The following MMP26 variants were observed in gnomAD, a reference collection of about 807,000 sequenced individuals.
MMP26 encodes the protein matrix metalloproteinase-26.
MMP26 carries 33 observed loss-of-function variants against 31.0 expected under a neutral mutation model. The observed-to-expected ratio is 1.06, with a 90% CI of 0.81 to 1.42. The LOEUF (loss-of-function observed/expected upper bound fraction) is 1.42. MMP26 is among the 40% of genes most tolerant of loss of function. MMP26 has a pLI of 0.00. For synonymous variants in MMP26, 122 were observed against 114.9 expected, an observed-to-expected ratio of 1.06 and a Z score of -0.40; for missense variants, 347 against 316.1, an observed-to-expected ratio of 1.10 and a Z score of -0.74.
chr11:4,811,981 A>G lies in MMP26; in HGVS notation c.-145+44640A>G, dbSNP rs1052123013. Among the ~76,000 whole-genome samples, 7 of 152,130 alleles carry G rather than the reference A, an allele frequency of 4.6e-5. No homozygotes were observed. The South Asian group carries it at 1.0e-3, about 23-fold the overall frequency. ...GCACTGAGGACTCTAAATGTGGCTC[A>G]CAGCTGTTTGTCGAAGCCCAGTTTC... On this transcript the variant is annotated intron_variant, in intron 2 of 7. Coordinates refer to ENST00000380390, the MANE Select transcript of MMP26 (RefSeq NM_021801.5).
At chr11:4,926,908 A>T (rs2164015) in intron 2 of MMP26, among the ~76,000 whole-genome samples, 9,722 of 152,222 alleles carry the variant, frequency 0.064, 424 homozygotes, top group East Asian at 0.16. Context: ...GTGAATGGAT[A>T]AAAAGAGATG....
intron 2 of MMP26, among the ~76,000 whole-genome samples, chr11:4,817,869 A>G (rs567252162): frequency 2.0e-5 from 3 of 152,216 alleles, no homozygotes; most frequent in African/African-American, 7.2e-5. Flanking sequence ...ATCTACAAAT[A>G]CACTTGGCTG....
intron 2 of MMP26, among the ~76,000 whole-genome samples, chr11:4,785,710 A>G (rs1184390048): frequency 3.3e-5 from 5 of 152,232 alleles, no homozygotes; most frequent in African/African-American, 1.2e-4. Flanking sequence ...AGCTTTTAAC[A>G]AACAGCCTCA....
chr11:4,915,016 T>C (rs1453545894), intron 2 of MMP26: 1 of 1,613,812 alleles, frequency 6.2e-7, no homozygotes, highest in African/African-American at 1.3e-5. Flanking sequence ...GGATGAGCAG[T>C]GAGTCTATAC....
chr11:4,903,540 C>G (rs546951942), intron 2 of MMP26, among the ~76,000 whole-genome samples: 3 of 152,176 alleles, frequency 2.0e-5, no homozygotes, highest in South Asian at 4.1e-4. Flanking sequence ...TGTCAAGCTT[C>G]TTCAACTTCA....
At chr11:4,847,248 C>T (rs1373668502) in intron 2 of MMP26, among the ~76,000 whole-genome samples, 1 of 152,172 alleles carries the variant, frequency 6.6e-6, no homozygotes, top group African/African-American at 2.4e-5. Flanking sequence ...TACAATCCGT[C>T]CACTTTGTCC....
intron 2 of MMP26, among the ~76,000 whole-genome samples, chr11:4,797,200 A>C (rs959149985): frequency 6.6e-6 from 1 of 152,118 alleles, no homozygotes; most frequent in African/African-American, 2.4e-5. Flanking sequence ...ACAAAACATG[A>C]CTGTTGAGGG....
chr11:4,834,372 T>C (rs1208289353), intron 2 of MMP26, among the ~76,000 whole-genome samples: 3 of 152,134 alleles, frequency 2.0e-5, no homozygotes, highest in Non-Finnish European at 1.5e-5. Context: ...TATGGCATTG[T>C]GAATGGAACC....
At chr11:4,723,491 TCTC>T in intron 1 of MMP26, 1 of 1,110,178 alleles carries the variant, frequency 9.0e-7, no homozygotes, top group South Asian at 1.2e-5. Flanking sequence ...AGCTCTGGGA[TCTC>T]CTCTTCATAC....
At chr11:4,839,944 C>T (rs1278684944) in intron 2 of MMP26, among the ~76,000 whole-genome samples, 1 of 152,092 alleles carries the variant, frequency 6.6e-6, no homozygotes, top group African/African-American at 2.4e-5. Context: ...GGGGAGCCCA[C>T]TGACCTGAAG....
chr11:4,967,679 A>T (rs1846614712), intron 2 of MMP26, among the ~76,000 whole-genome samples: 1 of 152,166 alleles, frequency 6.6e-6, no homozygotes, highest in Non-Finnish European at 1.5e-5. Context: ...TTCTAAGTAC[A>T]TCATTCTCAA....
intron 3 of MMP26, among the ~76,000 whole-genome samples, 175 bp from the exon 4 acceptor site, chr11:4,989,473 C>CA (rs1260674396): frequency 2.2e-4 from 34 of 152,274 alleles, no homozygotes; most frequent in Non-Finnish European, 5.0e-4. Flanking sequence ...TATCATTTCA[C>CA]TGTGGCATAA....
chr11:4,821,963 GC>G, intron 2 of MMP26: 1 of 1,613,978 alleles, frequency 6.2e-7, no homozygotes. Context: ...CATTCTTACT[GC>G]TACCATGTTG....
chr11:4,903,143 A>G (rs192972562), intron 2 of MMP26, among the ~76,000 whole-genome samples: 46 of 152,154 alleles, frequency 3.0e-4, no homozygotes, highest in African/African-American at 1.1e-3. Context: ...ACCATGATGG[A>G]ACTGACATAT....
chr11:4,893,324 T>C (rs541391207), intron 2 of MMP26, among the ~76,000 whole-genome samples: 87 of 152,324 alleles, frequency 5.7e-4, no homozygotes, highest in African/African-American at 2.0e-3. Flanking sequence ...CATTAAAATC[T>C]ATACTTCTTA....
intron 2 of MMP26, chr11:4,907,227 G>A (rs1850909014): frequency 3.4e-6 from 2 of 593,162 alleles, no homozygotes; most frequent in Non-Finnish European, 6.0e-6. Context: ...GAAGAGTGCA[G>A]TTGATTAGCA....
intron 2 of MMP26, among the ~76,000 whole-genome samples, chr11:4,897,438 T>C (rs1850724746): frequency 6.6e-6 from 1 of 152,194 alleles, no homozygotes; most frequent in Non-Finnish European, 1.5e-5. Flanking sequence ...ATGCCCGGCC[T>C]ATATTTTTAA....
intron 2 of MMP26, among the ~76,000 whole-genome samples, chr11:4,861,695 C>T (rs1331891370): frequency 6.6e-6 from 1 of 151,970 alleles, no homozygotes; most frequent in Non-Finnish European, 1.5e-5. Context: ...CATAAACAAC[C>T]ACACATAAAG....
At chr11:4,809,439 C>A (rs1849320875) in intron 2 of MMP26, among the ~76,000 whole-genome samples, 1 of 152,194 alleles carries the variant, frequency 6.6e-6, no homozygotes, top group South Asian at 2.1e-4. Flanking sequence ...AACTATAACA[C>A]CCACTGGCTC....
Sources: allele counts gnomAD v4.1 joint callset (sites outside exome capture counted in the v4.1 genomes callset), GRCh38; gene constraint gnomAD v4.1.1; transcripts MANE v1.5; gene names NCBI Gene and HGNC (gene_info 2026-07-23, HGNC 2026-07-21).